PKD1L1: variants seen among roughly 807,000 people sequenced by gnomAD.
The protein encoded by PKD1L1 is polycystin 1 like 1, transient receptor potential channel interacting.
A neutral mutation model predicts 323.4 loss-of-function variants in PKD1L1; 236 were observed. The observed-to-expected ratio is 0.73, with a 90% CI of 0.66 to 0.81. The LOEUF (loss-of-function observed/expected upper bound fraction) is 0.81. PKD1L1 is among the 40% of genes least tolerant of loss of function. The probability of loss-of-function intolerance (pLI) is 0.00; values close to 1 mark genes in which losing one functional copy is unlikely to be tolerated. For synonymous variants in PKD1L1, 1,344 were observed against 1,335.0 expected (o/e 1.01, Z -0.15); for missense variants, 3,320 against 3,508.0 (o/e 0.95, Z 1.35).
At chr7:47,927,422 C>A (rs956166676) in intron 7 of PKD1L1, among the ~76,000 whole-genome samples, 2 of 152,052 alleles carry the variant, frequency 1.3e-5, no homozygotes, top group Admixed American at 1.3e-4. Flanking sequence ...CGCGCCACCA[C>A]GCCCAGCTAA....
At chr7:47,934,158 A>G (rs1181681661) in intron 4 of PKD1L1, among the ~76,000 whole-genome samples, 1 of 152,256 alleles carries the variant, frequency 6.6e-6, no homozygotes, top group East Asian at 1.9e-4. Context: ...GAGTGGCATC[A>G]GCCTGTGTGC....
At position 47,803,194 on chromosome 7, in the gene PKD1L1, A is replaced by C; in HGVS notation, c.7962+16T>G. 1 of 1,613,940 alleles carries C rather than the reference A, an allele frequency of 6.2e-7. No homozygotes were observed. The highest frequency in any genetic ancestry group is 8.5e-7 in the Non-Finnish European group (1 of 1,179,890). ...GTTTACAAGGGAAATCACCTGATAA[A>C]GGGGAGAGTTCTTACCCCTGCTACA... On this transcript the variant is annotated intron_variant, in intron 53 of 56. Coordinates refer to ENST00000289672, the MANE Select transcript of PKD1L1 (RefSeq NM_138295.5).
chr7:47,914,288 A>G (rs1353142697), intron 8 of PKD1L1, among the ~76,000 whole-genome samples: 1 of 152,060 alleles, frequency 6.6e-6, no homozygotes, highest in African/African-American at 2.4e-5. Context: ...AAATATGACA[A>G]ACATCTGTCA....
At chr7:47,859,000 G>A (rs1408929274) in intron 26 of PKD1L1, 115 bp from the exon 27 acceptor site, 34 of 1,320,046 alleles carry the variant, frequency 2.6e-5, no homozygotes, top group Non-Finnish European at 3.2e-5. Context: ...CAGAAAAGAT[G>A]TAAATAAAGT....
At position 47,840,671 on chromosome 7, in the gene PKD1L1, C is replaced by A. The variant is rs966392313; in HGVS notation, c.5446-104G>T. On this transcript the variant is annotated intron_variant, in intron 34 of 56. Coordinates refer to ENST00000289672, the MANE Select transcript of PKD1L1 (RefSeq NM_138295.5). This position sits in a 1 kb window ranked among gnomAD's most constrained non-coding sequence, Gnocchi z 4.1. The stretch of plus-strand genomic sequence containing the variant: ...ACTTTCTCCCAGCGTCCCACCCTTC[C>A]TCAAAACCATCTGCACGGTGGAGTG... 26 of 871,022 alleles carry A rather than the reference C, an allele frequency of 3.0e-5. 1 individual carries two copies. In the East Asian group the frequency reaches 6.7e-4, roughly 23 times the overall value. The allele number at this position is 871,022 out of a possible 1,614,324, so 54.0% of individuals were successfully genotyped here.
chr7:47,929,611 TC>T, intron 6 of PKD1L1, 85 bp from the exon 7 acceptor site: 1 of 1,281,020 alleles, frequency 7.8e-7, no homozygotes, highest in Non-Finnish European at 1.1e-6. Flanking sequence ...CTGGCCTGGG[TC>T]CAGCCAGCTA....
Position 47,840,394 on chromosome 7 carries a change from G to T in PKD1L1, c.5552+67C>A. On this transcript the variant is annotated intron_variant, in intron 35 of 56. Coordinates refer to ENST00000289672, the MANE Select transcript of PKD1L1 (RefSeq NM_138295.5). The surrounding 1 kb of genome is among the most constrained non-coding windows in gnomAD (Gnocchi z 4.1). ...ATGTATTCTACTGTTTTGTATTTGT[G>T]ATAAGGTTACACCAATTCTGATTGG... The T allele has an allele frequency of 8.6e-7, 1 of 1,156,174 alleles. No individual in the cohort carries two copies. The highest frequency in any genetic ancestry group is 1.3e-6 in the Non-Finnish European group (1 of 772,350). 71.6% of individuals were successfully genotyped at this position (1,156,174 alleles called of 1,614,324 possible).
intron 26 of PKD1L1, 102 bp from the exon 27 acceptor site, chr7:47,858,987 G>C (rs1456176608): frequency 7.0e-7 from 1 of 1,421,100 alleles, no homozygotes; most frequent in Non-Finnish European, 9.7e-7. Context: ...TTAGCTGCAT[G>C]AACAGAAAAG....
intron 31 of PKD1L1, among the ~76,000 whole-genome samples, chr7:47,850,457 C>T (rs890917743): frequency 2.9e-4 from 44 of 151,828 alleles, no homozygotes; most frequent in African/African-American, 1.1e-3. Flanking sequence ...CATGGTGAAA[C>T]CCTGTCCCTA....
chr7:47,928,152 T>C (rs968584656), intron 7 of PKD1L1, among the ~76,000 whole-genome samples: 3 of 152,224 alleles, frequency 2.0e-5, no homozygotes, highest in African/African-American at 7.2e-5. Context: ...ATAAAAGATA[T>C]AAGAAGTAGA....
intron 12 of PKD1L1, 142 bp from the exon 13 acceptor site, chr7:47,902,653 G>C: frequency 9.3e-7 from 1 of 1,069,618 alleles, no homozygotes; most frequent in Non-Finnish European, 1.3e-6. Flanking sequence ...GAAGAGTCAA[G>C]GGTCACAAGA....
At chr7:47,795,778 A>AGAAT (rs1784510465) in intron 55 of PKD1L1, among the ~76,000 whole-genome samples, 1 of 152,212 alleles carries the variant, frequency 6.6e-6, no homozygotes, top group Admixed American at 6.5e-5. Context: ...TTAAGGCAGG[A>AGAAT]GAATGTGCTT....
chr7:47,954,228 G>T, the PKD1L1 span, among the ~76,000 whole-genome samples: 2 of 152,274 alleles, frequency 1.3e-5, no homozygotes, highest in South Asian at 4.1e-4. Context: ...GCCGTGAACT[G>T]GCAGCCTCTG....
chr7:47,799,466 G>T (rs1282433331), intron 54 of PKD1L1, among the ~76,000 whole-genome samples: 1 of 152,164 alleles, frequency 6.6e-6, no homozygotes, highest in Non-Finnish European at 1.5e-5. Flanking sequence ...TACTGAACTT[G>T]CAGTGGGCTC....
Position 47,886,045 on chromosome 7 carries a change from C to T in PKD1L1, c.2846G>A (p.Cys949Tyr). The change falls in exon 18 of 57, where the codon TGC becomes TAC. Residue 949 changes from cysteine (C) to tyrosine (Y), a missense_variant. Cys to Tyr is a radical substitution (Grantham distance 194, BLOSUM62 -2). Transcript: ENST00000289672. ...TEKNRIEVPFCRVVGLLGSLG... is the reference protein window; with the variant it reads ...TEKNRIEVPFYRVVGLLGSLG... ...CGAGCCAAGCAGCCCCACTACTCTGCAGAAGGGAACTTAAGCAAACGTTTG... is the reference window on the plus strand; with the variant it reads ...CGAGCCAAGCAGCCCCACTACTCTGTAGAAGGGAACTTAAGCAAACGTTTG... 3 of 1,605,062 alleles carry T rather than the reference C, an allele frequency of 1.9e-6. No homozygotes were observed. The highest frequency in any genetic ancestry group is 1.1e-5 in the South Asian group (1 of 89,740).
chr7:47,796,262 G>C lies in PKD1L1; in HGVS notation c.8194-112C>G, dbSNP rs1017541511. On this transcript the variant is annotated intron_variant, in intron 54 of 56. Transcript: ENST00000289672. ...ATTATATCTGATGATGCTACTTTAC[G>C]AGCTTTTGGTAAAATAGTGATTTCT... The C allele has an allele frequency of 3.1e-5, 32 of 1,032,344 alleles. No individual in the cohort carries two copies. In the Admixed American group the frequency reaches 6.1e-4, roughly 20 times the overall value. The allele number at this position is 1,032,344 out of a possible 1,614,324, so 63.9% of individuals were successfully genotyped here. A position where few individuals can be genotyped will look rare whatever the true frequency, so the allele number is the denominator to read the frequency against.
chr7:47,904,714 G>A (rs960491834), intron 11 of PKD1L1, 97 bp from the exon 12 acceptor site: 21 of 1,356,264 alleles, frequency 1.5e-5, no homozygotes, highest in Admixed American at 1.1e-4. Context: ...AGAGGAAGGC[G>A]GGGGAGGGGG....
chr7:47,907,267 T>C (rs1311263968), intron 9 of PKD1L1, among the ~76,000 whole-genome samples: 1 of 152,244 alleles, frequency 6.6e-6, no homozygotes. Context: ...CATCCCTTCA[T>C]TGGATCCTCC....
Position 47,894,125 on chromosome 7 carries a change from C to A in PKD1L1, c.2272-66G>T. 5 of 1,411,468 alleles carry A rather than the reference C, an allele frequency of 3.5e-6. No individual in the cohort carries two copies. In the African/African-American group the frequency reaches 4.3e-5, roughly 12 times the overall value. The allele number at this position is 1,411,468 out of a possible 1,614,324, so 87.4% of individuals were successfully genotyped here. ...AAGGCAGGGACTCACTGGAGAAACA[C>A]ACTAGTCTGAAAATTAGAAAGGAAG... is the stretch of plus-strand genomic sequence containing the variant. On this transcript the variant is annotated intron_variant, in intron 14 of 56. Transcript: ENST00000289672.
Sources: allele counts gnomAD v4.1 joint callset (sites outside exome capture counted in the v4.1 genomes callset), GRCh38; gene constraint gnomAD v4.1.1; non-coding constraint Gnocchi (gnomAD v3.1); transcripts MANE v1.5; gene names NCBI Gene and HGNC (gene_info 2026-07-23, HGNC 2026-07-21).